RHBDF2: variants seen among roughly 807,000 people sequenced by gnomAD.
RHBDF2 encodes inactive rhomboid protein 2.
A neutral mutation model predicts 95.2 loss-of-function variants in RHBDF2; 38 were observed. The ratio of observed to expected loss-of-function variants is 0.40; its 90% CI spans 0.31 to 0.52. RHBDF2 has a LOEUF of 0.52. RHBDF2 is among the 20% of genes least tolerant of loss of function. RHBDF2 has a pLI of 0.56. For synonymous variants in RHBDF2, 442 were observed against 462.0 expected, an observed-to-expected ratio of 0.96 and a Z score of 0.55; for missense variants, 863 against 1,137.7, an observed-to-expected ratio of 0.76 and a Z score of 3.47.
At chr17:76,472,397 GCC>G in intron 18 of RHBDF2, 3 of 580,336 alleles carry the variant, frequency 5.2e-6, no homozygotes, top group South Asian at 2.0e-5. Flanking sequence ...GCGCACGGAG[GCC>G]ATTTCCTACC....
intron 1 of RHBDF2, among the ~76,000 whole-genome samples, chr17:76,492,369 A>G (rs1386930955): frequency 3.3e-5 from 5 of 152,186 alleles, no homozygotes; most frequent in South Asian, 2.1e-4. Flanking sequence ...GACACATCCA[A>G]CGAAACACAG....
chr17:76,477,825 T>C (rs748453839), intron 6 of RHBDF2, 40 bp from the exon 7 acceptor site: 61 of 1,597,776 alleles, frequency 3.8e-5, no homozygotes, highest in Non-Finnish European at 5.0e-5. Flanking sequence ...GACCACAGCC[T>C]GGCCACCTAG....
chr17:76,471,956 G>A lies in RHBDF2; in HGVS notation c.2161C>T (p.Leu721Phe), dbSNP rs774772768. The A allele has an allele frequency of 3.5e-5, 55 of 1,571,494 alleles. No individual in the cohort carries two copies. Among genetic ancestry groups the A allele is most frequent in the Non-Finnish European group, 4.7e-5 (54 of 1,158,262 alleles). Residue 721 changes from leucine to phenylalanine, a missense_variant, in exon 19 of 19, where the codon CTC becomes TTC. Physicochemically the swap from Leu to Phe is conservative, Grantham distance 22 (BLOSUM62 0). Around this residue, in one of 2 missense-constraint regions of RHBDF2, gnomAD observed 252 missense variants for 412.2 expected, o/e 0.61. Coordinates refer to ENST00000675367, the MANE Select transcript of RHBDF2 (RefSeq NM_001005498.4). ...PLLERPWKAFLNLSAIVLFLF... is the reference protein window; with the variant it reads ...PLLERPWKAFFNLSAIVLFLF... ...AAGAGCACGATGGCCGAGAGGTTGAGGAAGGCCTTCCAGGGCCTCTCCAGC... is the reference window on the plus strand; with the variant it reads ...AAGAGCACGATGGCCGAGAGGTTGAAGAAGGCCTTCCAGGGCCTCTCCAGC...
In RHBDF2 at chr17:76,493,826, A is replaced by T. The variant is rs754839421; in HGVS notation, c.-219-5917T>A. ...TGTGGGTTCACACAGCTCCCCAGAC[A>T]TCCCACGAACAGCGGGTCCTGGCCC... is the stretch of plus-strand genomic sequence containing the variant. On this transcript the variant is annotated intron_variant, in intron 1 of 18. Coordinates refer to ENST00000675367, the MANE Select transcript of RHBDF2 (RefSeq NM_001005498.4). 2.0e-5 allele frequency among the ~76,000 whole-genome samples: 3 copies of T among 152,202 alleles called. No individual in the cohort carries two copies. The South Asian group carries it at 6.2e-4, about 31-fold the overall frequency.
intron 11 of RHBDF2, 94 bp from the exon 12 acceptor site, chr17:76,474,628 A>ATGAGGGGCCTGCGGGTGGG (rs1162059025): frequency 1.2e-6 from 2 of 1,611,656 alleles, no homozygotes; most frequent in African/African-American, 1.3e-5. Context: ...GTCTCCCCTG[A>ATGAGGGGCCTGCGGGTGGG]TGAGGGGCCT....
intron 1 of RHBDF2, among the ~76,000 whole-genome samples, chr17:76,489,295 T>C (rs999400950): frequency 6.6e-6 from 1 of 151,878 alleles, no homozygotes; most frequent in African/African-American, 2.4e-5. Flanking sequence ...AAATCAACCA[T>C]TTTAAAGCAC....
At chr17:76,482,061 A>G (rs2073989328) in intron 2 of RHBDF2, among the ~76,000 whole-genome samples, 1 of 149,510 alleles carries the variant, frequency 6.7e-6, no homozygotes, top group Admixed American at 6.7e-5. Flanking sequence ...GCTGAACCTC[A>G]GGCCCAGTGG....
rs1470483580 is a variant in RHBDF2, at chr17:76,474,819, G to A, written c.1228-15C>T. 1.9e-6 allele frequency: 3 copies of A among 1,611,030 alleles called. No homozygotes were observed. The highest frequency in any genetic ancestry group is 1.7e-6 in the Non-Finnish European group (2 of 1,177,560). On this transcript the variant is annotated splice_polypyrimidine_tract_variant and intron_variant, in intron 10 of 18. Coordinates refer to ENST00000675367, the MANE Select transcript of RHBDF2 (RefSeq NM_001005498.4). ...TTCCGCAGCACCTATCGTGGAGGTA[G>A]CACAGAGGAGGGCGTCAGAACAGTG... is the stretch of plus-strand genomic sequence containing the variant.
rs1279358936 is a variant in RHBDF2, at chr17:76,472,816, A to G, written c.1934T>C (p.Val645Ala). The change falls in exon 18 of 19, where the codon GTG (valine) becomes GCG (alanine). Residue 645 changes from valine to alanine, a missense_variant. By Grantham distance (64) the Val-to-Ala change is moderately conservative. Transcript: ENST00000675367. ...HAGVVHCLVS[V>A]VFQMTILRDL... ...CCTCAGGATGGTCATTTGAAAGACC[A>G]CAGACACGAGGCAGTGCACCACGCT... The G allele has an allele frequency of 1.3e-6, 2 of 1,599,550 alleles. No homozygotes were observed. The highest frequency in any genetic ancestry group is 1.3e-5 in the African/African-American group (1 of 74,622).
intron 1 of RHBDF2, among the ~76,000 whole-genome samples, chr17:76,498,372 GC>G (rs1555620115): frequency 6.6e-6 from 1 of 152,232 alleles, no homozygotes; most frequent in Non-Finnish European, 1.5e-5. Context: ...ATGGGGCAGC[GC>G]CGAGGCCTGC....
intron 13 of RHBDF2, 51 bp from the exon 14 acceptor site, chr17:76,473,953 A>G: frequency 6.2e-7 from 1 of 1,608,990 alleles, no homozygotes; most frequent in Non-Finnish European, 8.5e-7. Context: ...TGCCACGTCC[A>G]CCTACCCACG....
chr17:76,475,073 C>T lies in RHBDF2; in HGVS notation c.1184G>A (p.Gly395Asp). ...CTGGGCAAAGCCCACGGGTGCGATG[C>T]CATACGTGCAAATCACCAGCAGCGT... ...IITLLVICTY[G>D]IAPVGFAQHV... The change falls in exon 10 of 19, where the codon GGC becomes GAC. Residue 395 changes from glycine (G) to aspartate (D), a missense_variant. Physicochemically the swap from Gly to Asp is moderately conservative, Grantham distance 94. Transcript: ENST00000675367. 6.3e-7 allele frequency: 1 copy of T among 1,598,430 alleles called. No individual in the cohort carries two copies. The highest frequency in any genetic ancestry group is 1.8e-5 in the Admixed American group (1 of 56,654).
chr17:76,498,789 AGTGTGT>A (rs60130089), intron 1 of RHBDF2, among the ~76,000 whole-genome samples: 24,239 of 143,676 alleles, frequency 0.17, 2,357 homozygotes, highest in South Asian at 0.43. Context: ...AGAGAAAGAG[AGTGTGT>A]GTGTGTGTGT....
At position 76,478,859 on chromosome 17, in the gene RHBDF2, T is replaced by C. The variant is rs753695265; in HGVS notation, c.619A>G (p.Lys207Glu). ...RSGYSHLPRRKRMSVAHMSLQ... is the reference protein window; with the variant it reads ...RSGYSHLPRRERMSVAHMSLQ... ...CTCATGTGGGCCACAGACATTCTCT[T>C]GCGGCGTGGCAGGTGGGAGTAGCCA... The change falls in exon 6 of 19, where the codon AAG (lysine) becomes GAG (glutamate). Residue 207 changes from lysine to glutamate, a missense_variant. Lys to Glu is a moderately conservative substitution (Grantham distance 56, BLOSUM62 1). Around this residue, in one of 2 missense-constraint regions of RHBDF2, gnomAD observed 611 missense variants for 725.5 expected, o/e 0.84. Transcript: ENST00000675367. 4.2e-5 allele frequency: 67 copies of C among 1,613,498 alleles called. No homozygotes were observed. The highest frequency in any genetic ancestry group is 5.7e-5 in the Non-Finnish European group (67 of 1,179,852).
chr17:76,471,859 A>G lies in RHBDF2; in HGVS notation c.2258T>C (p.Leu753Pro). Residue 753 changes from leucine (L) to proline (P), a missense_variant, in exon 19 of 19, where the codon CTG (leucine) becomes CCG (proline). Leu to Pro is a moderately conservative substitution (Grantham distance 98). Coordinates refer to ENST00000675367, the MANE Select transcript of RHBDF2 (RefSeq NM_001005498.4). ...AHIFGFLSGL[L>P]LAFAFLPYIT... is the part of the protein sequence containing the mutation. ...GTAGGGCAGGAAGGCGAAGGCCAGC[A>G]GCAGGCCACTGAGGAAGCCGAAGAT... 1 of 1,590,314 alleles carries G rather than the reference A, an allele frequency of 6.3e-7. No homozygotes were observed. Among genetic ancestry groups the G allele is most frequent in the Middle Eastern group, 1.7e-4 (1 of 6,034 alleles).
At chr17:76,491,424 C>T (rs1049017981) in intron 1 of RHBDF2, among the ~76,000 whole-genome samples, 6 of 140,276 alleles carry the variant, frequency 4.3e-5, no homozygotes, top group African/African-American at 1.5e-4. Flanking sequence ...AGCCCCAGGG[C>T]AATCAGTTGG....
At position 76,473,310 on chromosome 17, in the gene RHBDF2, C is replaced by T. The variant is rs764990747; in HGVS notation, c.1751G>A (p.Arg584Gln). 6 of 1,612,324 alleles carry T rather than the reference C, an allele frequency of 3.7e-6. No homozygotes were observed. The highest frequency in any genetic ancestry group is 2.2e-5 in the South Asian group (2 of 90,678). The part of the protein sequence containing the change: ...GTKGSCEITT[R>Q]EYCEFMHGYF... Reference sequence around the variant, plus strand: ...GCCGTGCATGAACTCACAGTATTCCCGGGTGGTGATCTCACAGCTAAGGGG... The same window carrying T: ...GCCGTGCATGAACTCACAGTATTCCTGGGTGGTGATCTCACAGCTAAGGGG... Residue 584 changes from arginine (R) to glutamine (Q), a missense_variant, in exon 16 of 19, where the codon CGG (arginine) becomes CAG (glutamine). Arg to Gln is a conservative substitution (Grantham distance 43, BLOSUM62 1). Transcript: ENST00000675367.
chr17:76,499,309 C>T (rs917554087), intron 1 of RHBDF2, among the ~76,000 whole-genome samples: 4 of 152,254 alleles, frequency 2.6e-5, no homozygotes, highest in South Asian at 4.1e-4. Flanking sequence ...GGGAGGGCAG[C>T]GAGGTGGCCC....
At chr17:76,487,980 C>T (rs918812998) in intron 1 of RHBDF2, 71 bp from the exon 2 acceptor site, 2 of 152,214 alleles carry the variant, frequency 1.3e-5, no homozygotes, top group Admixed American at 6.5e-5. Context: ...TCACCTCAGT[C>T]TCCCCATCTG....
Sources: allele counts gnomAD v4.1 joint callset (sites outside exome capture counted in the v4.1 genomes callset), GRCh38; gene constraint gnomAD v4.1.1; regional missense constraint gnomAD v4.1.1; transcripts MANE v1.5; gene names NCBI Gene and HGNC (gene_info 2026-07-23, HGNC 2026-07-21).